The following DPP10 variants were observed in gnomAD, a reference collection of about 807,000 sequenced individuals.
DPP10 encodes inactive dipeptidyl peptidase 10.
In DPP10, 33 loss-of-function variants were observed where a neutral mutation model predicts 120.9. The ratio of observed to expected loss-of-function variants is 0.27; its 90% CI spans 0.21 to 0.37. DPP10 has a LOEUF of 0.37. Ranked by LOEUF, DPP10 falls within the 10% of genes least tolerant of loss-of-function variation. DPP10 has a pLI of 1.00. For missense variants in DPP10, 816 were observed against 942.8 expected (o/e 0.87, Z 1.76); for synonymous variants, 337 against 326.1 (o/e 1.03, Z -0.36).
chr2:114,858,034 G>T (rs1689504331), intron 1 of DPP10, among the ~76,000 whole-genome samples: 1 of 152,140 alleles, frequency 6.6e-6, no homozygotes, highest in Admixed American at 6.5e-5. Flanking sequence ...CTGTCGCCCA[G>T]GCTGGAGTGC....
At chr2:115,804,374 G>A (rs1034384557) in intron 19 of DPP10, among the ~76,000 whole-genome samples, 4 of 152,044 alleles carry the variant, frequency 2.6e-5, no homozygotes, top group East Asian at 1.9e-4. Flanking sequence ...CCACGGGTTC[G>A]AACTTCCTCC....
intron 1 of DPP10, among the ~76,000 whole-genome samples, chr2:115,074,196 T>G (rs1267210987): frequency 6.6e-6 from 1 of 151,980 alleles, no homozygotes; most frequent in Non-Finnish European, 1.5e-5. Context: ...AAAATTTTTT[T>G]TCAGAAATAA....
intron 1 of DPP10, among the ~76,000 whole-genome samples, chr2:114,668,008 A>T (rs569786509): frequency 2.0e-5 from 3 of 148,178 alleles, no homozygotes; most frequent in South Asian, 2.1e-4. Context: ...GAAAGAAAAC[A>T]TTTTTTTTTT....
intron 3 of DPP10, among the ~76,000 whole-genome samples, chr2:115,386,583 TA>T (rs1280011284): frequency 6.6e-6 from 1 of 152,212 alleles, no homozygotes; most frequent in Admixed American, 6.5e-5. Context: ...GGTCAGTTAA[TA>T]AAGTTTCTTT....
At chr2:115,113,613 A>G (rs951514917) in intron 1 of DPP10, among the ~76,000 whole-genome samples, 4 of 152,104 alleles carry the variant, frequency 2.6e-5, no homozygotes, top group Admixed American at 2.6e-4. Context: ...ACTTACATAA[A>G]GGTGGAAGAG....
At chr2:115,269,971 T>C (rs1189535327) in intron 1 of DPP10, among the ~76,000 whole-genome samples, 1 of 152,022 alleles carries the variant, frequency 6.6e-6, no homozygotes, top group Non-Finnish European at 1.5e-5. Context: ...GGGGATTTAT[T>C]TGGCTGTGGG....
intron 5 of DPP10, among the ~76,000 whole-genome samples, chr2:115,676,038 C>A (rs187630215): frequency 6.6e-6 from 1 of 152,116 alleles, no homozygotes; most frequent in East Asian, 1.9e-4. Context: ...GAAGCTTTCC[C>A]CCGGACGGAG....
intron 8 of DPP10, among the ~76,000 whole-genome samples, chr2:115,730,732 T>C (rs536065036): frequency 2.6e-5 from 4 of 152,302 alleles, no homozygotes; most frequent in African/African-American, 9.6e-5. Flanking sequence ...GTAAACTGTT[T>C]GTAGGGGTTG....
chr2:115,799,993 C>A (rs1173573375), intron 19 of DPP10, among the ~76,000 whole-genome samples: 2 of 151,560 alleles, frequency 1.3e-5, no homozygotes, highest in Admixed American at 1.3e-4. Flanking sequence ...AGTTCTAGAT[C>A]CCTGAGGAAT....
intron 7 of DPP10, among the ~76,000 whole-genome samples, chr2:115,699,242 T>C (rs909147906): frequency 6.6e-6 from 1 of 152,158 alleles, no homozygotes; most frequent in Non-Finnish European, 1.5e-5. Flanking sequence ...AAAATCTGAA[T>C]AGGCTTATAG....
chr2:115,059,685 G>GA (rs34515129), intron 1 of DPP10, among the ~76,000 whole-genome samples: 84,488 of 116,230 alleles, frequency 0.73, 31,661 homozygotes, highest in South Asian at 0.85. Context: ...ACCTCAACAG[G>GA]AAAAAAAAAA....
At chr2:115,177,632 TTC>T (rs1278658302) in intron 1 of DPP10, among the ~76,000 whole-genome samples, 1 of 152,348 alleles carries the variant, frequency 6.6e-6, no homozygotes, top group African/African-American at 2.4e-5. Flanking sequence ...TTTCATTTCT[TTC>T]TTCCAGAGAA....
At chr2:115,097,781 G>GT (rs890475022) in intron 1 of DPP10, among the ~76,000 whole-genome samples, 1 of 152,138 alleles carries the variant, frequency 6.6e-6, no homozygotes, top group African/African-American at 2.4e-5. Flanking sequence ...ACCTAGAACA[G>GT]TTTTTTGAAT....
intron 1 of DPP10, among the ~76,000 whole-genome samples, chr2:115,166,298 A>C (rs916538984): frequency 2.6e-5 from 4 of 151,780 alleles, no homozygotes; most frequent in African/African-American, 4.8e-5. Context: ...TCATATTGAA[A>C]AATTTTAATT....
At chr2:114,879,781 A>G (rs549401057) in intron 1 of DPP10, among the ~76,000 whole-genome samples, 38 of 152,242 alleles carry the variant, frequency 2.5e-4, no homozygotes, top group Non-Finnish European at 4.4e-4. Flanking sequence ...CTTATGTAAA[A>G]TGCTGTGGAA....
intron 1 of DPP10, among the ~76,000 whole-genome samples, chr2:114,658,691 C>T (rs1430031877): frequency 6.6e-6 from 1 of 152,094 alleles, no homozygotes. Flanking sequence ...CGTTTATACC[C>T]GGTATAACAG....
chr2:115,373,597 G>T (rs922614608), intron 3 of DPP10, among the ~76,000 whole-genome samples: 3 of 151,958 alleles, frequency 2.0e-5, no homozygotes, highest in Non-Finnish European at 4.4e-5. Context: ...ACTCGAAAAA[G>T]GAAGAATGTT....
At chr2:114,585,082 C>T (rs149968370) in intron 1 of DPP10, among the ~76,000 whole-genome samples, 130 of 152,248 alleles carry the variant, frequency 8.5e-4, no homozygotes, top group African/African-American at 3.0e-3. Flanking sequence ...TTCATAGTGC[C>T]GCAGGTTAGA....
chr2:115,233,852 C>T (rs2057863695), intron 1 of DPP10: 1 of 477,680 alleles, frequency 2.1e-6, no homozygotes, highest in African/African-American at 2.0e-5. Context: ...GGCTTTTCCC[C>T]ATCTTCCACA....
Sources: allele counts gnomAD v4.1 joint callset (sites outside exome capture counted in the v4.1 genomes callset), GRCh38; gene constraint gnomAD v4.1.1; transcripts MANE v1.5; gene names NCBI Gene and HGNC (gene_info 2026-07-23, HGNC 2026-07-21).